Variants in TNKS2 observed in about 807,000 individuals in gnomAD.
TNKS2 encodes the protein poly [ADP-ribose] polymerase tankyrase-2.
Under a neutral mutation model 137.6 loss-of-function variants are expected in TNKS2, and 72 were observed. The observed-to-expected ratio is 0.52, with a 90% confidence interval of 0.43 to 0.64. TNKS2 has a LOEUF of 0.64. Among genes scored for constraint, TNKS2 ranks in the 30% least tolerant of loss-of-function variants. The pLI is 0.00. For missense variants in TNKS2, 1,049 were observed against 1,410.2 expected, an observed-to-expected ratio of 0.74 and a Z score of 4.10; for synonymous variants, 516 against 512.1, an observed-to-expected ratio of 1.01 and a Z score of -0.10.
chr10:91,830,927 G>A lies in TNKS2; in HGVS notation c.1109G>A (p.Cys370Tyr). The change falls in exon 10 of 27, where the codon TGT (cysteine) becomes TAT (tyrosine). Residue 370 changes from cysteine (C) to tyrosine (Y), a missense_variant. By Grantham distance (194) the Cys-to-Tyr change is radical. Around this residue, in one of 6 missense-constraint regions of TNKS2, gnomAD observed 2 missense variants for 16.1 expected, o/e 0.12. Coordinates refer to ENST00000371627, the MANE Select transcript of TNKS2 (RefSeq NM_025235.4). The stretch of plus-strand genomic sequence containing the variant: ...GCTGCAATTTAAATTATTTAGCATT[G>A]TGCTGCTGCATCTCCATATCCCAAA... ...HPQTHETALH[C>Y]AAASPYPKRK... 6.2e-7 allele frequency: 1 copy of A among 1,606,706 alleles called. No individual in the cohort carries two copies. Among genetic ancestry groups the A allele is most frequent in the Non-Finnish European group, 8.5e-7 (1 of 1,176,582 alleles).
At chr10:91,823,320 G>GTTTTTTTTTTTTTTTTTTT (rs3043666) in intron 7 of TNKS2, among the ~76,000 whole-genome samples, 1 of 113,624 alleles carries the variant, frequency 8.8e-6, no homozygotes. Flanking sequence ...TGGTTTTTTG[G>GTTTTTTTTTTTTTTTTTTT]TTTTTTTTTT....
chr10:91,819,135 TAATG>T (rs1844802585), intron 3 of TNKS2, 131 bp from the exon 4 acceptor site: 1 of 556,806 alleles, frequency 1.8e-6, no homozygotes, highest in Admixed American at 3.9e-5. Context: ...AATATTCTGT[TAATG>T]AACTATTTTC....
At chr10:91,807,113 A>C (rs1367346591) in intron 1 of TNKS2, 1 of 1,465,282 alleles carries the variant, frequency 6.8e-7, no homozygotes. Context: ...TTCTGTCCCA[A>C]CACTTTCTCT....
At chr10:91,831,384 A>G (rs1209243039) in intron 11 of TNKS2, among the ~76,000 whole-genome samples, 1 of 152,122 alleles carries the variant, frequency 6.6e-6, no homozygotes, top group African/African-American at 2.4e-5. Context: ...TCAGATACAC[A>G]TTCCTGTATG....
intron 21 of TNKS2, among the ~76,000 whole-genome samples, chr10:91,852,937 A>G (rs1842591139): frequency 2.0e-5 from 3 of 152,252 alleles, no homozygotes; most frequent in Admixed American, 2.0e-4. Context: ...TCTAGTATAG[A>G]GGACAAATTT....
intron 1 of TNKS2, among the ~76,000 whole-genome samples, chr10:91,801,531 C>T (rs960879666): frequency 6.6e-6 from 1 of 151,602 alleles, no homozygotes; most frequent in Non-Finnish European, 1.5e-5. Flanking sequence ...TGGAGTGCAG[C>T]GTCACGATCT....
chr10:91,834,871 G>T (rs1261838906), intron 12 of TNKS2, among the ~76,000 whole-genome samples: 2 of 152,166 alleles, frequency 1.3e-5, no homozygotes, highest in Admixed American at 1.3e-4. Flanking sequence ...AGTCTTGTCA[G>T]TTTTATGCTA....
chr10:91,857,419 T>G lies in TNKS2; in HGVS notation c.2989-6T>G. ...AGATTTGATTTTTCTGGTTTATTTTTTATAGATTCAGAAGGTTTGTAACAA... is the reference window on the plus strand; with the variant it reads ...AGATTTGATTTTTCTGGTTTATTTTGTATAGATTCAGAAGGTTTGTAACAA... On this transcript the variant is annotated splice_polypyrimidine_tract_variant and splice_region_variant and intron_variant, in intron 23 of 26. Coordinates refer to ENST00000371627, the MANE Select transcript of TNKS2 (RefSeq NM_025235.4). The G allele has an allele frequency of 6.3e-7, 1 of 1,582,088 alleles. No individual in the cohort carries two copies. The highest frequency in any genetic ancestry group is 1.2e-5 in the South Asian group (1 of 86,852).
rs1410448034 is a variant in TNKS2 at position 91,826,998 on chromosome 10, T to C, written c.796-19T>C. ...TCTTTTAAAAATTGAACATTAAATA[T>C]ATGCTTTTTGCTCTCCAGCATGGTG... On this transcript the variant is annotated intron_variant, in intron 7 of 26. Coordinates refer to ENST00000371627, the MANE Select transcript of TNKS2 (RefSeq NM_025235.4). 1.3e-6 allele frequency: 2 copies of C among 1,504,860 alleles called. No individual in the cohort carries two copies. Among genetic ancestry groups the C allele is most frequent in the Admixed American group, 2.3e-5 (1 of 44,148 alleles). 93.2% of individuals were successfully genotyped at this position (1,504,860 alleles called of 1,614,324 possible). A position where few individuals can be genotyped will look rare whatever the true frequency, so the allele number is the denominator to read the frequency against.
chr10:91,819,443 TGAA>T (rs1388424884), intron 4 of TNKS2, 36 bp from the exon 5 acceptor site: 6 of 1,522,248 alleles, frequency 3.9e-6, no homozygotes, highest in Middle Eastern at 1.7e-4. Flanking sequence ...GAACATCTGA[TGAA>T]GAATGCAAAT....
Position 91,844,927 on chromosome 10 carries a change from A to G in TNKS2, c.2068A>G (p.Asn690Asp). The G allele has an allele frequency of 1.2e-6, 2 of 1,605,232 alleles. No individual in the cohort carries two copies. Among genetic ancestry groups the G allele is most frequent in the Admixed American group, 1.7e-5 (1 of 58,398 alleles). The change falls in exon 17 of 27, where the codon AAT (asparagine) becomes GAT (aspartate). Residue 690 changes from asparagine (N) to aspartate (D), a missense_variant. Around this residue, in one of 6 missense-constraint regions of TNKS2, gnomAD observed 328 missense variants for 436.0 expected, o/e 0.75. Transcript: ENST00000371627. ...STPLHLAAGY[N>D]NLEVAEYLLQ... ...CTTCTTTTCTAAATTAGCTGGTTATAATAATTTAGAAGTTGCAGAGTATTT... is the reference window on the plus strand; with the variant it reads ...CTTCTTTTCTAAATTAGCTGGTTATGATAATTTAGAAGTTGCAGAGTATTT...
intron 25 of TNKS2, 32 bp downstream of exon 25, chr10:91,859,680 T>G: frequency 6.3e-7 from 1 of 1,584,266 alleles, no homozygotes; most frequent in Non-Finnish European, 8.6e-7. Flanking sequence ...TTTATTTTGG[T>G]GGTAATCAGA....
intron 23 of TNKS2, among the ~76,000 whole-genome samples, chr10:91,856,904 A>T (rs2133681294): frequency 6.7e-6 from 1 of 148,768 alleles, no homozygotes; most frequent in African/African-American, 2.4e-5. Flanking sequence ...AATACTCCTA[A>T]TGAGACTGAT....
intron 1 of TNKS2, among the ~76,000 whole-genome samples, chr10:91,805,208 T>C (rs1844287371): frequency 6.6e-6 from 1 of 152,126 alleles, no homozygotes; most frequent in Admixed American, 6.5e-5. Context: ...CTCAGACTAT[T>C]AATCTACTGT....
chr10:91,819,317 A>G lies in TNKS2; in HGVS notation c.557+11A>G, dbSNP rs1472872311. 2.0e-6 allele frequency: 3 copies of G among 1,470,474 alleles called. No homozygotes were observed. Among genetic ancestry groups the G allele is most frequent in the African/African-American group, 2.9e-5 (2 of 67,862 alleles). The allele number at this position is 1,470,474 out of a possible 1,614,324, so 91.1% of individuals were successfully genotyped here. The stretch of plus-strand genomic sequence containing the variant: ...CTTAGAAAGTGCCAGGTACGTACTA[A>G]TGTTATAAATATGTGACAGGAATAC... On this transcript the variant is annotated intron_variant, in intron 4 of 26. Transcript: ENST00000371627.
chr10:91,836,813 C>G, intron 12 of TNKS2, 106 bp from the exon 13 acceptor site: 1 of 1,455,202 alleles, frequency 6.9e-7, no homozygotes, highest in Non-Finnish European at 9.1e-7. Context: ...ACATAATCTA[C>G]CAAATTGTAA....
intron 8 of TNKS2, among the ~76,000 whole-genome samples, chr10:91,828,078 G>A (rs979466737): frequency 6.6e-6 from 1 of 152,294 alleles, no homozygotes; most frequent in Admixed American, 6.5e-5. Flanking sequence ...GAGGCCATAT[G>A]TCTATACAGT....
intron 24 of TNKS2, 126 bp from the exon 25 acceptor site, chr10:91,859,335 CT>C (rs1248292391): frequency 1.1e-5 from 7 of 648,934 alleles, no homozygotes; most frequent in Non-Finnish European, 1.7e-5. Flanking sequence ...ACTTGTTACC[CT>C]TTTTCGTTTT....
intron 1 of TNKS2, among the ~76,000 whole-genome samples, chr10:91,806,272 C>A (rs1013213948): frequency 3.0e-4 from 45 of 152,090 alleles, no homozygotes; most frequent in African/African-American, 1.0e-3. Flanking sequence ...AAATATCGTA[C>A]TTCTAGTTTA....
Sources: allele counts gnomAD v4.1 joint callset (sites outside exome capture counted in the v4.1 genomes callset), GRCh38; gene constraint gnomAD v4.1.1; regional missense constraint gnomAD v4.1.1; transcripts MANE v1.5; gene names NCBI Gene and HGNC (gene_info 2026-07-23, HGNC 2026-07-21).